The following CNTN3 variants were observed in gnomAD, a reference collection of about 807,000 sequenced individuals.
The protein encoded by CNTN3 is contactin-3.
CNTN3 carries 60 observed loss-of-function variants against 119.1 expected under a neutral mutation model. The observed-to-expected ratio is 0.50, with a 90% CI of 0.41 to 0.62. The LOEUF is 0.62. CNTN3 is among the 20% of genes least tolerant of loss of function. CNTN3 has a pLI of 0.00. For synonymous variants in CNTN3, 450 were observed against 438.7 expected, an observed-to-expected ratio of 1.03 and a Z score of -0.32; for missense variants, 1,101 against 1,242.4, an observed-to-expected ratio of 0.89 and a Z score of 1.71.
chr3:74,319,073 T>G (rs868494335), intron 13 of CNTN3, among the ~76,000 whole-genome samples: 1 of 152,098 alleles, frequency 6.6e-6, no homozygotes, highest in Non-Finnish European at 1.5e-5. Flanking sequence ...TCAATATCGT[T>G]TAAATGGCCA....
At chr3:74,578,050 A>G (rs1366586055) in intron 1 of CNTN3, among the ~76,000 whole-genome samples, 1 of 152,072 alleles carries the variant, frequency 6.6e-6, no homozygotes, top group Non-Finnish European at 1.5e-5. Flanking sequence ...AACACTGAAA[A>G]TATCAACCTC....
chr3:74,387,705 G>C (rs767675951), intron 5 of CNTN3, among the ~76,000 whole-genome samples: 1 of 152,176 alleles, frequency 6.6e-6, no homozygotes. Context: ...TTAAGTCGTG[G>C]AAATATCTCA....
chr3:74,518,862 ACAAGCAGCC>A (rs997334138), intron 2 of CNTN3, among the ~76,000 whole-genome samples: 2 of 151,870 alleles, frequency 1.3e-5, no homozygotes, highest in African/African-American at 4.8e-5. Context: ...CACTGTGAAA[ACAAGCAGCC>A]CAAATATGTG....
chr3:74,528,696 T>C (rs1190799380), intron 1 of CNTN3, among the ~76,000 whole-genome samples: 1 of 151,958 alleles, frequency 6.6e-6, no homozygotes, highest in Non-Finnish European at 1.5e-5. Flanking sequence ...AATGCTTAAG[T>C]AATCAGATCA....
chr3:74,559,974 C>T (rs1704128947), intron 1 of CNTN3, among the ~76,000 whole-genome samples: 1 of 152,138 alleles, frequency 6.6e-6, no homozygotes, highest in Admixed American at 6.5e-5. Context: ...TCCAAGGAAA[C>T]TAACATCATG....
chr3:74,367,059 C>T (rs1214481265), intron 8 of CNTN3, among the ~76,000 whole-genome samples: 2 of 151,372 alleles, frequency 1.3e-5, no homozygotes, highest in Non-Finnish European at 2.9e-5. Flanking sequence ...ATCATAACTG[C>T]CACATCAATT....
intron 1 of CNTN3, among the ~76,000 whole-genome samples, chr3:74,580,933 T>C (rs1347378354): frequency 1.3e-5 from 2 of 152,106 alleles, no homozygotes; most frequent in African/African-American, 4.8e-5. Context: ...CTCACATTGG[T>C]CTCAAGAATT....
intron 5 of CNTN3, among the ~76,000 whole-genome samples, chr3:74,421,949 C>T (rs532792822): frequency 6.6e-6 from 1 of 152,274 alleles, no homozygotes; most frequent in Admixed American, 6.5e-5. Context: ...TGGTTGGCAC[C>T]CAGGTCATTT....
At chr3:74,406,861 C>T (rs889246666) in intron 5 of CNTN3, among the ~76,000 whole-genome samples, 2 of 151,910 alleles carry the variant, frequency 1.3e-5, no homozygotes, top group African/African-American at 4.8e-5. Context: ...GAGGAAGAAA[C>T]CAATAATAAA....
At chr3:74,588,640 A>G (rs1321622341) in intron 1 of CNTN3, among the ~76,000 whole-genome samples, 1 of 152,088 alleles carries the variant, frequency 6.6e-6, no homozygotes, top group Non-Finnish European at 1.5e-5. Flanking sequence ...AAGAGCCCGC[A>G]TCACCAAGTC....
In CNTN3 at chr3:74,551,754, C is replaced by CTTTTTTT. The variant is rs776621925; in HGVS notation, c.-80-30569_-80-30563dup. Among the ~76,000 whole-genome samples, 61 of 60,202 alleles carry CTTTTTTT rather than the reference C, an allele frequency of 1.0e-3. 1 individual carries two copies. The highest frequency in any genetic ancestry group is 1.3e-3 in the East Asian group (2 of 1,580). The allele number at this position is 60,202 out of a possible 152,430, so 39.5% of individuals were successfully genotyped here. ...AGATCTGCTTCTTCTTCTTCTTCTT[C>CTTTTTTT]TTTTTTTTTTTTTTTTTTTTTTTTT... On this transcript the variant is annotated intron_variant, in intron 1 of 22. Coordinates refer to ENST00000263665, the MANE Select transcript of CNTN3 (RefSeq NM_020872.3).
intron 5 of CNTN3, among the ~76,000 whole-genome samples, 191 bp downstream of exon 5, chr3:74,424,654 G>T (rs9820351): frequency 6.6e-6 from 1 of 152,106 alleles, no homozygotes; most frequent in African/African-American, 2.4e-5. Context: ...TCAATGAGTC[G>T]ATTGTTTAGA....
chr3:74,393,714 C>G (rs1704973984), intron 5 of CNTN3, among the ~76,000 whole-genome samples: 1 of 152,164 alleles, frequency 6.6e-6, no homozygotes, highest in Non-Finnish European at 1.5e-5. Context: ...GGACTGAGGT[C>G]AGAGAGGAAG....
intron 1 of CNTN3, among the ~76,000 whole-genome samples, chr3:74,595,475 G>C (rs189644855): frequency 6.6e-6 from 1 of 152,190 alleles, no homozygotes; most frequent in East Asian, 1.9e-4. Context: ...TTTGTAGAAG[G>C]TGTAAGGAAA....
At chr3:74,574,215 A>T (rs551838993) in intron 1 of CNTN3, among the ~76,000 whole-genome samples, 1 of 152,290 alleles carries the variant, frequency 6.6e-6, no homozygotes, top group African/African-American at 2.4e-5. Context: ...TTATGATTCT[A>T]TTTTTATGAA....
intron 2 of CNTN3, among the ~76,000 whole-genome samples, chr3:74,508,078 C>A (rs1703296945): frequency 1.3e-5 from 2 of 152,096 alleles, no homozygotes; most frequent in Non-Finnish European, 2.9e-5. Context: ...GTGTCTCCAC[C>A]CAAATCTCAT....
intron 4 of CNTN3, among the ~76,000 whole-genome samples, chr3:74,450,778 T>C (rs2106947772): frequency 6.6e-6 from 1 of 151,336 alleles, no homozygotes; most frequent in African/African-American, 2.4e-5. Flanking sequence ...TTTTTTGTTC[T>C]TGTGATAGTT....
intron 13 of CNTN3, among the ~76,000 whole-genome samples, chr3:74,315,778 A>T (rs1375412520): frequency 2.0e-5 from 3 of 152,172 alleles, no homozygotes; most frequent in Non-Finnish European, 2.9e-5. Flanking sequence ...ATGAAGCTGG[A>T]CCCTTCCCTA....
chr3:74,546,100 A>G (rs1198637696), intron 1 of CNTN3, among the ~76,000 whole-genome samples: 1 of 151,638 alleles, frequency 6.6e-6, no homozygotes, highest in African/African-American at 2.4e-5. Context: ...GGTTCATGCC[A>G]TTCTCCTGCC....
Sources: gnomAD v4.1 joint callset for allele counts (sites outside exome capture counted in the v4.1 genomes callset) on GRCh38, gnomAD v4.1.1 for gene constraint, MANE v1.5 for transcripts, NCBI Gene and HGNC (gene_info 2026-07-23, HGNC 2026-07-21) for gene names.